USP54: variants seen among roughly 807,000 people sequenced by gnomAD.
The protein encoded by USP54 is ubiquitin carboxyl-terminal hydrolase 54.
Under a neutral mutation model 170.5 loss-of-function variants are expected in USP54, and 87 were observed. The observed-to-expected ratio is 0.51, with a 90% CI of 0.43 to 0.61. USP54 has a LOEUF of 0.61. USP54 is among the 20% of genes least tolerant of loss of function. The pLI, the probability that USP54 is intolerant of heterozygous loss-of-function variation, is 0.00. For synonymous variants in USP54, 655 were observed against 742.8 expected, an observed-to-expected ratio of 0.88 and a Z score of 1.92; for missense variants, 1,786 against 2,047.8, an observed-to-expected ratio of 0.87 and a Z score of 2.47.
intron 20 of USP54, among the ~76,000 whole-genome samples, chr10:73,508,829 G>A (rs1036277939): frequency 7.9e-5 from 12 of 151,862 alleles, no homozygotes; most frequent in Non-Finnish European, 1.5e-4. Flanking sequence ...CACCATGCCC[G>A]ACTAATTTTT....
At position 73,499,019 on chromosome 10, in the gene USP54, TCTGGTCCCAATATG is replaced by T; in HGVS notation, c.4651_4664del (p.His1551IlefsTer34). 1 of 1,614,160 alleles carries T rather than the reference TCTGGTCCCAATATG, an allele frequency of 6.2e-7. No homozygotes were observed. Among genetic ancestry groups the T allele is most frequent in the South Asian group, 1.1e-5 (1 of 91,076 alleles). On this transcript the variant is annotated frameshift_variant, in exon 24 of 24. Transcript: ENST00000687698. LOFTEE classifies it high-confidence loss of function. ...GATTGCACCCTGGAGTAGTCAGGAA[TCTGGTCCCAATATG>T]CTGGTTGGTCTCTGACCAGGGTGCC...
rs1462742405 is a variant in USP54 at position 73,567,058 on chromosome 10, T to C, written c.240+4363A>G. On this transcript the variant is annotated intron_variant, in intron 4 of 23. Coordinates refer to ENST00000687698, the MANE Select transcript of USP54 (RefSeq NM_001391956.1). The stretch of plus-strand genomic sequence containing the variant: ...CACCCAGCTAATTTTTTTGTATTTT[T>C]AGTAGAGATAGGGTTTCGCCATCTT... 2.6e-5 allele frequency among the ~76,000 whole-genome samples: 4 copies of C among 151,780 alleles called. No homozygotes were observed. In the East Asian group the frequency reaches 8.1e-4, roughly 31 times the overall value.
Position 73,517,604 on chromosome 10 carries a change from G to A in USP54, c.2822C>T (p.Ser941Phe). The change falls in exon 20 of 24, where the codon TCT (serine) becomes TTT (phenylalanine). Residue 941 changes from serine (S) to phenylalanine (F), a missense_variant. Physicochemically the swap from Ser to Phe is radical, Grantham distance 155. This residue lies in a region of USP54 where 1,418 missense variants were observed against 1,569.0 expected (regional missense o/e 0.90). Transcript: ENST00000687698. Reference protein sequence around the residue: ...ESHSSLSPESSAPQHSSPSRS... With the variant: ...ESHSSLSPESFAPQHSSPSRS... Reference sequence around the variant, plus strand: ...ACTGGGGGAGCTGTGCTGTGGGGCAGATGACTCTGGAGATAGTGATGAGTG... The same window carrying A: ...ACTGGGGGAGCTGTGCTGTGGGGCAAATGACTCTGGAGATAGTGATGAGTG... The A allele has an allele frequency of 6.2e-7, 1 of 1,614,266 alleles. No homozygotes were observed. Among genetic ancestry groups the A allele is most frequent in the Non-Finnish European group, 8.5e-7 (1 of 1,180,052 alleles).
chr10:73,548,645 C>G (rs192895020), intron 4 of USP54, among the ~76,000 whole-genome samples: 1 of 152,094 alleles, frequency 6.6e-6, no homozygotes, highest in African/African-American at 2.4e-5. Flanking sequence ...AACCAAACAC[C>G]GTATGTTCTC....
At chr10:73,521,308 T>G (rs940634198) in intron 17 of USP54, among the ~76,000 whole-genome samples, 2 of 152,042 alleles carry the variant, frequency 1.3e-5, no homozygotes, top group African/African-American at 4.8e-5. Flanking sequence ...GCTCCAGTGG[T>G]GCAATCGGTT....
intron 10 of USP54, among the ~76,000 whole-genome samples, chr10:73,537,334 GAA>G: frequency 1.3e-5 from 2 of 152,162 alleles, no homozygotes; most frequent in Admixed American, 1.3e-4. Context: ...AAGAGACAAA[GAA>G]AAGAATAAGG....
At chr10:73,544,301 A>G (rs929912747) in intron 5 of USP54, among the ~76,000 whole-genome samples, 8 of 152,194 alleles carry the variant, frequency 5.3e-5, no homozygotes, top group Admixed American at 4.6e-4. Flanking sequence ...GTGTAAATCA[A>G]TAGTTTCTTT....
intron 2 of USP54, 52 bp from the exon 3 acceptor site, chr10:73,575,727 T>C (rs1446326179): frequency 1.3e-6 from 2 of 1,485,712 alleles, no homozygotes; most frequent in Non-Finnish European, 1.8e-6. Flanking sequence ...AATTTCTGTC[T>C]GCTAAAGTTC....
intron 4 of USP54, among the ~76,000 whole-genome samples, chr10:73,569,068 A>G (rs1167155285): frequency 6.6e-6 from 1 of 152,196 alleles, no homozygotes; most frequent in Non-Finnish European, 1.5e-5. Flanking sequence ...AGGTCATGTA[A>G]GTGCTCTCAT....
chr10:73,615,270 A>C (rs979405106), intron 1 of USP54: 1 of 150,276 alleles, frequency 6.7e-6, no homozygotes, highest in Non-Finnish European at 1.5e-5. Context: ...GAGGGACAAG[A>C]ATCGCTTGAA....
At chr10:73,619,357 A>G (rs1420727730) in intron 1 of USP54, among the ~76,000 whole-genome samples, 1 of 149,806 alleles carries the variant, frequency 6.7e-6, no homozygotes, top group Non-Finnish European at 1.5e-5. Flanking sequence ...CCTCCTACGT[A>G]GCTGGGGTTA....
At chr10:73,536,677 A>C (rs1461766276) in intron 10 of USP54, among the ~76,000 whole-genome samples, 1 of 152,226 alleles carries the variant, frequency 6.6e-6, no homozygotes, top group Non-Finnish European at 1.5e-5. Flanking sequence ...GAATAAAATT[A>C]ATTTTATTTC....
At chr10:73,550,828 C>T (rs898119988) in intron 4 of USP54, among the ~76,000 whole-genome samples, 1 of 152,078 alleles carries the variant, frequency 6.6e-6, no homozygotes, top group East Asian at 1.9e-4. Context: ...TTTTTCCGGC[C>T]AGGCGTGGTG....
intron 1 of USP54, among the ~76,000 whole-genome samples, chr10:73,583,697 T>G (rs1035599635): frequency 6.6e-6 from 1 of 152,000 alleles, no homozygotes; most frequent in African/African-American, 2.4e-5. Context: ...TGTAGTGAGC[T>G]ATGACTGTGC....
chr10:73,541,234 C>T (rs1177242944), intron 9 of USP54, 141 bp downstream of exon 9: 9 of 1,234,220 alleles, frequency 7.3e-6, no homozygotes, highest in Non-Finnish European at 8.8e-6. Flanking sequence ...GCACGGGTAT[C>T]TGTACACAAA....
intron 1 of USP54, among the ~76,000 whole-genome samples, chr10:73,586,055 T>C (rs2077450593): frequency 6.6e-6 from 1 of 152,094 alleles, no homozygotes; most frequent in Admixed American, 6.6e-5. Context: ...GAATTAAATA[T>C]GTCTGGCACC....
chr10:73,617,308 A>T (rs1440452080), intron 1 of USP54, among the ~76,000 whole-genome samples: 1 of 149,424 alleles, frequency 6.7e-6, no homozygotes, highest in Non-Finnish European at 1.5e-5. Context: ...AAAAAAAAAA[A>T]TTAGCCAGGC....
Position 73,517,314 on chromosome 10 carries a change from C to G in USP54, c.3112G>C (p.Val1038Leu), listed in dbSNP as rs199580962. ...TCAGAGGTGGCTATTCCAGGCATCA[C>G]CGGGGAGGGGTTAGCAGGATCCTTC... ...EKKDPANPSP[V>L]MPGIATSERG... Residue 1038 changes from valine (V) to leucine (L), a missense_variant, in exon 20 of 24, where the codon GTG becomes CTG. Val to Leu is a conservative substitution (Grantham distance 32, BLOSUM62 1). Transcript: ENST00000687698. 1.2e-6 allele frequency: 2 copies of G among 1,612,570 alleles called. No homozygotes were observed. Among genetic ancestry groups the G allele is most frequent in the Non-Finnish European group, 8.5e-7 (1 of 1,179,258 alleles).
At chr10:73,609,222 G>A (rs1229806188) in intron 1 of USP54, among the ~76,000 whole-genome samples, 1 of 152,146 alleles carries the variant, frequency 6.6e-6, no homozygotes, top group Non-Finnish European at 1.5e-5. Context: ...GGAGTTGAAA[G>A]AAATGGCAAA....
Sources: gnomAD v4.1 joint callset for allele counts (sites outside exome capture counted in the v4.1 genomes callset) on GRCh38, gnomAD v4.1.1 for gene constraint, gnomAD v4.1.1 regional missense constraint, MANE v1.5 for transcripts, NCBI Gene and HGNC (gene_info 2026-07-23, HGNC 2026-07-21) for gene names.